ZNF385D: variants seen among roughly 807,000 people sequenced by gnomAD.
ZNF385D encodes zinc finger protein 659.
ZNF385D carries 15 observed loss-of-function variants against 35.8 expected under a neutral mutation model. That is an observed-to-expected ratio of 0.42 (90% confidence interval 0.28 to 0.64). The LOEUF (loss-of-function observed/expected upper bound fraction) is 0.64, where lower values mean the gene tolerates loss of function less well. Among genes scored for constraint, ZNF385D ranks in the 30% least tolerant of loss-of-function variants. ZNF385D has a pLI of 0.23. For synonymous variants in ZNF385D, 212 were observed against 186.8 expected (o/e 1.13, Z -1.10); for missense variants, 474 against 494.6 (o/e 0.96, Z 0.39).
chr3:22,045,157 A>T (rs1329932988), intron 3 of ZNF385D, among the ~76,000 whole-genome samples: 2 of 151,790 alleles, frequency 1.3e-5, no homozygotes, highest in African/African-American at 4.9e-5. Flanking sequence ...CTTTTGGGTC[A>T]TATTAAAAAA....
At chr3:22,037,853 C>A (rs1047937465) in intron 3 of ZNF385D, among the ~76,000 whole-genome samples, 4 of 152,088 alleles carry the variant, frequency 2.6e-5, no homozygotes, top group African/African-American at 9.7e-5. Context: ...TCTAACAAAA[C>A]AGCATGGTAC....
intron 3 of ZNF385D, among the ~76,000 whole-genome samples, chr3:21,814,601 G>A (rs1190471135): frequency 1.3e-5 from 2 of 152,084 alleles, no homozygotes; most frequent in Non-Finnish European, 2.9e-5. Flanking sequence ...ATTACATAAT[G>A]GTAAAGGGAT....
intron 1 of ZNF385D, among the ~76,000 whole-genome samples, chr3:21,715,739 C>G (rs2068293626): frequency 6.6e-6 from 1 of 152,054 alleles, no homozygotes; most frequent in South Asian, 2.1e-4. Flanking sequence ...GTTATCTGTA[C>G]TAATTTCTTT....
At chr3:21,602,957 T>C (rs1218285188) in intron 2 of ZNF385D, among the ~76,000 whole-genome samples, 1 of 152,186 alleles carries the variant, frequency 6.6e-6, no homozygotes, top group Non-Finnish European at 1.5e-5. Context: ...AAAAGATCTG[T>C]TTACTGTTTA....
chr3:21,904,305 A>C (rs1699564424), intron 3 of ZNF385D, among the ~76,000 whole-genome samples: 1 of 95,940 alleles, frequency 1.0e-5, no homozygotes, highest in Non-Finnish European at 2.0e-5. Context: ...TCCATCTCAA[A>C]AAAAAAAAAA....
At chr3:22,143,330 C>T (rs1222353783) in intron 3 of ZNF385D, among the ~76,000 whole-genome samples, 1 of 151,994 alleles carries the variant, frequency 6.6e-6, no homozygotes, top group Non-Finnish European at 1.5e-5. Context: ...CTGATCTGCC[C>T]GCCTCGGCCT....
intron 2 of ZNF385D, among the ~76,000 whole-genome samples, chr3:22,312,153 C>A (rs1703593417): frequency 2.0e-5 from 3 of 152,102 alleles, no homozygotes; most frequent in African/African-American, 7.2e-5. Context: ...GAATTTGAGC[C>A]TCTTCCCTTT....
intron 3 of ZNF385D, among the ~76,000 whole-genome samples, chr3:21,977,014 C>T (rs923192453): frequency 6.7e-6 from 1 of 148,968 alleles, no homozygotes; most frequent in African/African-American, 2.5e-5. Flanking sequence ...TAATAATAAA[C>T]CACTGCTACA....
intron 4 of ZNF385D, among the ~76,000 whole-genome samples, chr3:21,499,905 G>A (rs891880785): frequency 6.6e-6 from 1 of 152,148 alleles, no homozygotes; most frequent in African/African-American, 2.4e-5. Context: ...CTACCCATGG[G>A]ATTAATATGC....
intron 1 of ZNF385D, among the ~76,000 whole-genome samples, chr3:21,714,459 T>A (rs1023395226): frequency 6.6e-6 from 1 of 152,138 alleles, no homozygotes; most frequent in African/African-American, 2.4e-5. Flanking sequence ...TAAATTCCCA[T>A]ATTCTTATCT....
chr3:21,484,904 A>G (rs1048337528), intron 4 of ZNF385D, among the ~76,000 whole-genome samples: 1 of 152,122 alleles, frequency 6.6e-6, no homozygotes, highest in Non-Finnish European at 1.5e-5. Flanking sequence ...CCAGACCGGC[A>G]TATATAGGAG....
chr3:21,577,820 T>C (rs548775547), intron 2 of ZNF385D, among the ~76,000 whole-genome samples: 2 of 151,492 alleles, frequency 1.3e-5, no homozygotes, highest in African/African-American at 2.4e-5. Context: ...TTCTTTTTTT[T>C]TTTTTTCGAG....
At chr3:22,050,234 C>G (rs111270362) in intron 3 of ZNF385D, among the ~76,000 whole-genome samples, 1 of 150,994 alleles carries the variant, frequency 6.6e-6, no homozygotes, top group Admixed American at 6.6e-5. Context: ...TGGTGGTACA[C>G]GCTTATAGCC....
At chr3:21,556,053 G>GTTTTT (rs1209768767) in intron 3 of ZNF385D, among the ~76,000 whole-genome samples, 10 of 110,808 alleles carry the variant, frequency 9.0e-5, no homozygotes, top group African/African-American at 3.0e-4. Flanking sequence ...ACTTTTTGAC[G>GTTTTT]TTTTTTTTGT....
intron 1 of ZNF385D, among the ~76,000 whole-genome samples, chr3:21,697,062 C>T (rs1263831903): frequency 1.3e-5 from 2 of 152,174 alleles, no homozygotes; most frequent in African/African-American, 2.4e-5. Context: ...AGTACTTGTT[C>T]TCTAAGAGCA....
intron 2 of ZNF385D, among the ~76,000 whole-genome samples, chr3:22,341,689 T>C (rs891179193): frequency 6.6e-6 from 1 of 152,192 alleles, no homozygotes; most frequent in Non-Finnish European, 1.5e-5. Context: ...TCATATCTTT[T>C]GGAGGCTATA....
chr3:22,128,539 G>A (rs1352738527), intron 3 of ZNF385D, among the ~76,000 whole-genome samples: 1 of 151,938 alleles, frequency 6.6e-6, no homozygotes, highest in Non-Finnish European at 1.5e-5. Context: ...CTATTTTCTA[G>A]ATCTTGTATG....
intron 3 of ZNF385D, among the ~76,000 whole-genome samples, chr3:22,073,744 C>A (rs1253529489): frequency 6.6e-6 from 1 of 151,804 alleles, no homozygotes; most frequent in African/African-American, 2.4e-5. Context: ...GAACTGTTTG[C>A]TGAATTGAAG....
chr3:21,823,758 A>T (rs1159107486), intron 3 of ZNF385D, among the ~76,000 whole-genome samples: 3 of 152,210 alleles, frequency 2.0e-5, no homozygotes, highest in Non-Finnish European at 4.4e-5. Context: ...CAAATGGAGC[A>T]CGTACTACCT....
Sources: allele counts gnomAD v4.1 joint callset (sites outside exome capture counted in the v4.1 genomes callset), GRCh38; gene constraint gnomAD v4.1.1; transcripts MANE v1.5; gene names NCBI Gene and HGNC (gene_info 2026-07-23, HGNC 2026-07-21).